The following ZNF506 variants were observed in gnomAD, a reference collection of about 807,000 sequenced individuals.
ZNF506 encodes the protein zinc finger protein 506.
In ZNF506, 10 loss-of-function variants were observed where a neutral mutation model predicts 11.6. That is an observed-to-expected ratio of 0.86 (90% CI 0.53 to 1.46). The LOEUF (loss-of-function observed/expected upper bound fraction) is 1.46, where lower values mean the gene tolerates loss of function less well. ZNF506 is among the 40% of genes most tolerant of loss of function. The probability of loss-of-function intolerance (pLI) is 0.00; values close to 1 mark genes in which losing one functional copy is unlikely to be tolerated. For synonymous variants in ZNF506, 156 were observed against 173.3 expected, an observed-to-expected ratio of 0.90 and a Z score of 0.78; for missense variants, 425 against 521.2, an observed-to-expected ratio of 0.82 and a Z score of 1.80.
At chr19:19,804,948 G>C (rs1234796291) in intron 3 of ZNF506, among the ~76,000 whole-genome samples, 1 of 151,970 alleles carries the variant, frequency 6.6e-6, no homozygotes, top group Non-Finnish European at 1.5e-5. Flanking sequence ...TGGGGGGATG[G>C]GGGAGGGATA....
At chr19:19,819,116 C>A (rs1293102627) in intron 1 of ZNF506, among the ~76,000 whole-genome samples, 1 of 152,160 alleles carries the variant, frequency 6.6e-6, no homozygotes, top group Non-Finnish European at 1.5e-5. Flanking sequence ...CCAGGAGACA[C>A]CGCGCCATGC....
chr19:19,795,080 AG>A lies in ZNF506; in HGVS notation c.806del (p.Pro269LeufsTer37), dbSNP rs762318802. The A allele has an allele frequency of 3.7e-6, 6 of 1,601,334 alleles. No individual in the cohort carries two copies. The highest frequency in any genetic ancestry group is 5.1e-6 in the Non-Finnish European group (6 of 1,173,692). ...TTTTCTTATGTGAAAAAAGGGTTGCAGGGTGGTTAAAAGCTTTGCCACATTC... is the reference window on the plus strand; with the variant it reads ...TTTTCTTATGTGAAAAAAGGGTTGCAGGTGGTTAAAAGCTTTGCCACATTC... ...CRECGKAFNH[P>X]ATLFSHKKIH... On this transcript the variant is annotated frameshift_variant, in exon 4 of 4. Transcript: ENST00000540806. LOFTEE classifies it low-confidence loss of function (END_TRUNC).
At chr19:19,807,864 G>A (rs996163037) in intron 1 of ZNF506, among the ~76,000 whole-genome samples, 1 of 151,880 alleles carries the variant, frequency 6.6e-6, no homozygotes, top group African/African-American at 2.4e-5. Context: ...GGCCCCAAAA[G>A]GATATTTTTT....
At chr19:19,798,028 C>T (rs1303485956) in intron 3 of ZNF506, 1 of 151,930 alleles carries the variant, frequency 6.6e-6, no homozygotes, top group Non-Finnish European at 1.5e-5. Context: ...TAACATAATG[C>T]AAGAAAACAA....
At chr19:19,811,344 G>A (rs1246898650) in intron 1 of ZNF506, among the ~76,000 whole-genome samples, 5 of 152,078 alleles carry the variant, frequency 3.3e-5, no homozygotes, top group Non-Finnish European at 7.4e-5. Flanking sequence ...ATTATTAGTA[G>A]AGATGGCATT....
In ZNF506 at chr19:19,794,796, G is replaced by A. The variant is rs752084633; in HGVS notation, c.1091C>T (p.Thr364Ile). The A allele has an allele frequency of 8.7e-6, 14 of 1,614,036 alleles. No individual in the cohort carries two copies. The highest frequency in any genetic ancestry group is 9.3e-6 in the Non-Finnish European group (11 of 1,179,996). ...SSLSKHKRAH[T>I]GEKPYKCEEC... Reference sequence around the variant, plus strand: ...TTCACACTTGTAGGGTTTCTCTCCAGTATGAGCTCTCTTATGTTTAGAGAG... The same window carrying A: ...TTCACACTTGTAGGGTTTCTCTCCAATATGAGCTCTCTTATGTTTAGAGAG... Residue 364 changes from threonine (T) to isoleucine (I), a missense_variant, in exon 4 of 4, where the codon ACT becomes ATT. Coordinates refer to ENST00000540806, the MANE Select transcript of ZNF506 (RefSeq NM_001099269.3).
intron 1 of ZNF506, among the ~76,000 whole-genome samples, chr19:19,815,661 T>G (rs2062924730): frequency 6.6e-6 from 1 of 152,236 alleles, no homozygotes; most frequent in African/African-American, 2.4e-5. Flanking sequence ...CACATTTGAA[T>G]TCTGACAGCA....
At chr19:19,798,469 A>C (rs2062761428) in intron 3 of ZNF506, 1 of 149,994 alleles carries the variant, frequency 6.7e-6, no homozygotes, top group East Asian at 1.9e-4. Context: ...TAACACGGTG[A>C]AACCCCGTCT....
chr19:19,794,674 C>G lies in ZNF506; in HGVS notation c.1213G>C (p.Ala405Pro). ...TTAAGGGCTGAGGACCAGTTAAAAG[C>G]TTTGCCACATTCTTCACATTTGTAC... Reference protein sequence around the residue: ...KPYKCEECGKAFNWSSALNKH... With the variant: ...KPYKCEECGKPFNWSSALNKH... The change falls in exon 4 of 4, where the codon GCT becomes CCT. Residue 405 changes from alanine to proline, a missense_variant. Physicochemically the swap from Ala to Pro is conservative, Grantham distance 27. Coordinates refer to ENST00000540806, the MANE Select transcript of ZNF506 (RefSeq NM_001099269.3). The G allele has an allele frequency of 6.2e-7, 1 of 1,614,102 alleles. No individual in the cohort carries two copies. Among genetic ancestry groups the G allele is most frequent in the Non-Finnish European group, 8.5e-7 (1 of 1,180,010 alleles).
intron 1 of ZNF506, among the ~76,000 whole-genome samples, chr19:19,807,959 T>C (rs2062848433): frequency 1.3e-5 from 2 of 151,520 alleles, no homozygotes; most frequent in Admixed American, 1.3e-4. Flanking sequence ...TCAAAGAAAA[T>C]ATGTAGGAAA....
chr19:19,797,100 A>G (rs77437722), intron 3 of ZNF506: 1 of 152,364 alleles, frequency 6.6e-6, no homozygotes, highest in African/African-American at 2.4e-5. Context: ...CAAAAAAATT[A>G]TAAAATTTTC....
intron 3 of ZNF506, among the ~76,000 whole-genome samples, chr19:19,803,595 C>T (rs2062811924): frequency 6.6e-6 from 1 of 152,194 alleles, no homozygotes; most frequent in African/African-American, 2.4e-5. Flanking sequence ...CTGTATCAAG[C>T]CAACTAAAGG....
intron 3 of ZNF506, among the ~76,000 whole-genome samples, chr19:19,800,288 A>G (rs1486991242): frequency 4.0e-5 from 6 of 151,616 alleles, no homozygotes; most frequent in African/African-American, 1.5e-4. Flanking sequence ...AAATGTGAAG[A>G]ATTGGTAGTT....
Position 19,794,877 on chromosome 19 carries a change from C to G in ZNF506, c.1010G>C (p.Gly337Ala). ...TTCGTCACATTTGTAGGGTACATCT[C>G]CAGTATGAATTCTCTTATGTTTAGT... ...NLTKHKRIHT[G>A]DVPYKCDECG... Residue 337 changes from glycine to alanine, a missense_variant, in exon 4 of 4, where the codon GGA becomes GCA. Coordinates refer to ENST00000540806, the MANE Select transcript of ZNF506 (RefSeq NM_001099269.3). 1 of 1,613,788 alleles carries G rather than the reference C, an allele frequency of 6.2e-7. No individual in the cohort carries two copies. The highest frequency in any genetic ancestry group is 1.1e-5 in the South Asian group (1 of 91,064).
rs771846139 is a variant in ZNF506 at position 19,794,743 on chromosome 19, A to G, written c.1144T>C (p.Ser382Pro). The G allele has an allele frequency of 6.2e-7, 1 of 1,613,846 alleles. No individual in the cohort carries two copies. Among genetic ancestry groups the G allele is most frequent in the South Asian group, 1.1e-5 (1 of 91,072 alleles). The change falls in exon 4 of 4, where the codon TCA (serine) becomes CCA (proline). Residue 382 changes from serine to proline, a missense_variant. Physicochemically the swap from Ser to Pro is moderately conservative, Grantham distance 74. Around this residue, in one of 3 missense-constraint regions of ZNF506, gnomAD observed 192 missense variants for 215.7 expected, o/e 0.89. Coordinates refer to ENST00000540806, the MANE Select transcript of ZNF506 (RefSeq NM_001099269.3). ...EECGKAFTAF[S>P]TLTEHKIIHT... ...ATTATCTTATGTTCAGTTAGAGTTG[A>G]GAATGCAGTAAAGGCTTTGCCACAT...
chr19:19,815,944 GA>G (rs2062927360), intron 1 of ZNF506, among the ~76,000 whole-genome samples: 1 of 152,130 alleles, frequency 6.6e-6, no homozygotes, highest in African/African-American at 2.4e-5. Context: ...AAGAGATGGG[GA>G]AAGATGAAAC....
intron 3 of ZNF506, chr19:19,797,083 G>GTTTGTAGAGTT (rs2062748271): frequency 6.6e-6 from 1 of 152,070 alleles, no homozygotes; most frequent in Non-Finnish European, 1.5e-5. Flanking sequence ...GGGCAACATG[G>GTTTGTAGAGTT]CCCCATCAAA....
At position 19,794,981 on chromosome 19, in the gene ZNF506, T is replaced by C; in HGVS notation, c.906A>G (p.Lys302=). Residue 302 remains lysine (K), a synonymous_variant, in exon 4 of 4, where the codon AAA becomes AAG. Coordinates refer to ENST00000540806, the MANE Select transcript of ZNF506 (RefSeq NM_001099269.3). ...KAFISSSTLT[K]HEIIHTGEKP... ...TCTCTCCAGTATGAATTATCTCATGTTTAGTAAGGGTTGAGGATGAAATAA... is the reference window on the plus strand; with the variant it reads ...TCTCTCCAGTATGAATTATCTCATGCTTAGTAAGGGTTGAGGATGAAATAA... 1 of 1,613,850 alleles carries C rather than the reference T, an allele frequency of 6.2e-7. No individual in the cohort carries two copies. The highest frequency in any genetic ancestry group is 8.5e-7 in the Non-Finnish European group (1 of 1,179,986).
In ZNF506 at chr19:19,795,358, C is replaced by G; in HGVS notation, c.529G>C (p.Glu177Gln). 6.2e-7 allele frequency: 1 copy of G among 1,610,038 alleles called. No individual in the cohort carries two copies. The highest frequency in any genetic ancestry group is 8.5e-7 in the Non-Finnish European group (1 of 1,177,902). The change falls in exon 4 of 4, where the codon GAA (glutamate) becomes CAA (glutamine). Residue 177 changes from glutamate (E) to glutamine (Q), a missense_variant. Glu to Gln is a conservative substitution (Grantham distance 29, BLOSUM62 2). Coordinates refer to ENST00000540806, the MANE Select transcript of ZNF506 (RefSeq NM_001099269.3). ...DTGKKSFKCI[E>Q]YGKTFNQSST... is the part of the protein sequence containing the mutation. ...GACTGGTTAAAAGTTTTCCCATATT[C>G]TATACATTTAAAAGATTTTTTTCCA...
Sources: gnomAD v4.1 joint callset for allele counts (sites outside exome capture counted in the v4.1 genomes callset) on GRCh38, gnomAD v4.1.1 for gene constraint, gnomAD v4.1.1 regional missense constraint, MANE v1.5 for transcripts, NCBI Gene and HGNC (gene_info 2026-07-23, HGNC 2026-07-21) for gene names.